The following TMEM51 variants were observed in gnomAD, a reference collection of about 807,000 sequenced individuals.
The protein encoded by TMEM51 is transmembrane protein 51.
TMEM51 carries 8 observed loss-of-function variants against 13.6 expected under a neutral mutation model. The observed-to-expected ratio is 0.59, with a 90% CI of 0.35 to 1.07. TMEM51 has a LOEUF of 1.07. Among genes scored for constraint, TMEM51 ranks in the 50% least tolerant of loss-of-function variants. The pLI is 0.02. For missense variants in TMEM51, 279 were observed against 330.7 expected, an observed-to-expected ratio of 0.84 and a Z score of 1.21; for synonymous variants, 147 against 144.4, an observed-to-expected ratio of 1.02 and a Z score of -0.13.
At position 15,161,586 on chromosome 1, in the gene TMEM51, G is replaced by C. The variant is rs1465247672; in HGVS notation, c.-267+7632G>C. Among the ~76,000 whole-genome samples the C allele has an allele frequency of 6.6e-6, 1 of 152,024 alleles. No homozygotes were observed. Among genetic ancestry groups the C allele is most frequent in the African/African-American group, 2.4e-5 (1 of 41,316 alleles). ...CAGTTTCACTTCTGGGTGCATACTT[G>C]TCTTAGTCCATTTGTGTTGCTGTAA... On this transcript the variant is annotated intron_variant, in intron 1 of 3. Transcript: ENST00000376008. The surrounding 1 kb of genome is among the most constrained non-coding windows in gnomAD (Gnocchi z 4.0).
Position 15,215,186 on chromosome 1 carries a change from G to A in TMEM51, c.99G>A (p.Leu33=). Reference sequence around the variant, plus strand: ...GGGTGATCATGGCCATGTGGAACCTGGTACCCGGCTTCAGCGCGGCCGAGA... The same window carrying A: ...GGGTGATCATGGCCATGTGGAACCTAGTACCCGGCTTCAGCGCGGCCGAGA... ...VLGVIMAMWN[L]VPGFSAAEKP... The change falls in exon 3 of 4, where the codon CTG becomes CTA. Residue 33 remains leucine (L), a synonymous_variant. Coordinates refer to ENST00000376008, the MANE Select transcript of TMEM51 (RefSeq NM_001136218.2). 2 of 1,614,204 alleles carry A rather than the reference G, an allele frequency of 1.2e-6. No homozygotes were observed. Among genetic ancestry groups the A allele is most frequent in the Non-Finnish European group, 1.7e-6 (2 of 1,180,046 alleles).
chr1:15,183,602 G>C (rs191371865), intron 1 of TMEM51, among the ~76,000 whole-genome samples: 29 of 152,316 alleles, frequency 1.9e-4, no homozygotes, highest in Admixed American at 1.9e-3. Flanking sequence ...AATATATGTA[G>C]CTAGTATTCC....
At chr1:15,201,045 G>C (rs1414261351) in intron 1 of TMEM51, among the ~76,000 whole-genome samples, 3 of 152,194 alleles carry the variant, frequency 2.0e-5, no homozygotes, top group Non-Finnish European at 4.4e-5. Context: ...TTACCCAATA[G>C]TTGGTTTGAC....
rs745767292 is a variant in TMEM51, at chr1:15,219,653, C to T, written c.672C>T (p.Asn224=). Residue 224 remains asparagine, a synonymous_variant, in exon 4 of 4, where the codon AAC becomes AAT. Transcript: ENST00000376008. The part of the protein sequence containing the change: ...KDFRINLPDK[N]VPPPSIEPLT... ...TTAGGATCAACCTCCCAGACAAAAA[C>T]GTCCCTCCTCCCTCGATAGAGCCTT... 8.1e-6 allele frequency: 13 copies of T among 1,614,042 alleles called. No individual in the cohort carries two copies. The highest frequency in any genetic ancestry group is 2.7e-5 in the African/African-American group (2 of 75,066).
At chr1:15,205,751 C>T (rs1644237314) in intron 1 of TMEM51, among the ~76,000 whole-genome samples, 1 of 152,138 alleles carries the variant, frequency 6.6e-6, no homozygotes, top group Non-Finnish European at 1.5e-5. Flanking sequence ...CCACAGAGGG[C>T]CTGGCACAGA....
At chr1:15,183,913 C>T (rs1643691967) in intron 1 of TMEM51, among the ~76,000 whole-genome samples, 1 of 152,244 alleles carries the variant, frequency 6.6e-6, no homozygotes, top group South Asian at 2.1e-4. Flanking sequence ...AGTGGGGCCG[C>T]AGCCGCTCAT....
At chr1:15,166,071 G>GGTA (rs1642987144) in intron 1 of TMEM51, among the ~76,000 whole-genome samples, 1 of 152,132 alleles carries the variant, frequency 6.6e-6, no homozygotes, top group Non-Finnish European at 1.5e-5. Flanking sequence ...TATGGATGGG[G>GGTA]GTAGCCATGG....
At chr1:15,170,792 G>T (rs911480652) in intron 1 of TMEM51, among the ~76,000 whole-genome samples, 22 of 151,370 alleles carry the variant, frequency 1.5e-4, no homozygotes, top group Non-Finnish European at 3.1e-4. Context: ...GCAGTGTTGC[G>T]ATCTCAGCTC....
At chr1:15,200,349 A>G (rs1469036214) in intron 1 of TMEM51, among the ~76,000 whole-genome samples, 1 of 138,694 alleles carries the variant, frequency 7.2e-6, no homozygotes, top group African/African-American at 2.7e-5. Context: ...TCGAGACTGC[A>G]GTGAACTGTG....
chr1:15,206,039 C>A (rs1009986065), intron 1 of TMEM51, among the ~76,000 whole-genome samples: 1 of 152,108 alleles, frequency 6.6e-6, no homozygotes, highest in Non-Finnish European at 1.5e-5. Context: ...GAAATCGAGA[C>A]CAGCCTGGGC....
intron 2 of TMEM51, among the ~76,000 whole-genome samples, chr1:15,214,006 CTTTTTTTTTT>C (rs367871717): frequency 8.1e-6 from 1 of 124,204 alleles, no homozygotes; most frequent in Non-Finnish European, 1.7e-5. Flanking sequence ...AGCACCCAGC[CTTTTTTTTTT>C]TTTTTTTTGT....
rs1184052221 is a variant in TMEM51 at position 15,219,537 on chromosome 1, C to A, written c.556C>A (p.Pro186Thr). The A allele has an allele frequency of 4.3e-6, 7 of 1,614,098 alleles. No individual in the cohort carries two copies. Among genetic ancestry groups the A allele is most frequent in the South Asian group, 2.2e-5 (2 of 91,084 alleles). ...TGACGTGGAGGCCAGCCCTGGGAAC[C>A]CCCCTGACAGGCAGAACTCTAAGTT... Reference protein sequence around the residue: ...RADVEASPGNPPDRQNSKLAK... With the variant: ...RADVEASPGNTPDRQNSKLAK... The change falls in exon 4 of 4, where the codon CCC becomes ACC. Residue 186 changes from proline (P) to threonine (T), a missense_variant. Coordinates refer to ENST00000376008, the MANE Select transcript of TMEM51 (RefSeq NM_001136218.2).
At chr1:15,174,714 G>A (rs996556694) in intron 1 of TMEM51, among the ~76,000 whole-genome samples, 1 of 152,116 alleles carries the variant, frequency 6.6e-6, no homozygotes, top group African/African-American at 2.4e-5. Context: ...GAAGTTCTGG[G>A]GGGTGTAGTT....
chr1:15,215,177 G>C lies in TMEM51; in HGVS notation c.90G>C (p.Met30Ile), dbSNP rs769496140. 1.2e-6 allele frequency: 2 copies of C among 1,614,230 alleles called. No homozygotes were observed. Among genetic ancestry groups the C allele is most frequent in the Admixed American group, 1.7e-5 (1 of 60,036 alleles). ...TGGTCCTTGGGGTGATCATGGCCATGTGGAACCTGGTACCCGGCTTCAGCG... is the reference window on the plus strand; with the variant it reads ...TGGTCCTTGGGGTGATCATGGCCATCTGGAACCTGGTACCCGGCTTCAGCG... ...GMLVLGVIMA[M>I]WNLVPGFSAA... The change falls in exon 3 of 4, where the codon ATG becomes ATC. Residue 30 changes from methionine to isoleucine, a missense_variant. Physicochemically the swap from Met to Ile is conservative, Grantham distance 10. Transcript: ENST00000376008.
intron 1 of TMEM51, among the ~76,000 whole-genome samples, chr1:15,173,676 T>TAAA (rs55954313): frequency 0.1 from 14,757 of 145,190 alleles, 967 homozygotes; most frequent in Non-Finnish European, 0.15. Flanking sequence ...AAACTCCATC[T>TAAA]AAAAAAAAAA....
chr1:15,183,572 C>T (rs891910580), intron 1 of TMEM51, among the ~76,000 whole-genome samples: 1 of 152,210 alleles, frequency 6.6e-6, no homozygotes, highest in African/African-American at 2.4e-5. Flanking sequence ...AGAAAACTTA[C>T]TACCACATAG....
chr1:15,159,792 T>C (rs946979597), intron 1 of TMEM51, among the ~76,000 whole-genome samples: 4 of 152,196 alleles, frequency 2.6e-5, no homozygotes, highest in African/African-American at 7.2e-5. Flanking sequence ...CTTGACCTCG[T>C]GATCCGCCTG....
At chr1:15,168,236 C>A (rs1202134904) in intron 1 of TMEM51, among the ~76,000 whole-genome samples, 1 of 152,204 alleles carries the variant, frequency 6.6e-6, no homozygotes, top group Non-Finnish European at 1.5e-5. Context: ...TAAGGACCCA[C>A]TAACCACCTG....
chr1:15,207,692 G>A lies in TMEM51; in HGVS notation c.-266-2798G>A, dbSNP rs1029485559. ...AAAGAGCCTCTGCCCAGCGTGGAGC[G>A]GTGAGGCTAAAGGCTTCCATGTTCC... On this transcript the variant is annotated intron_variant, in intron 1 of 3. Transcript: ENST00000376008. This position sits in a 1 kb window ranked among gnomAD's most constrained non-coding sequence, Gnocchi z 4.6. Among the ~76,000 whole-genome samples the A allele has an allele frequency of 9.2e-5, 14 of 152,330 alleles. No homozygotes were observed. Among genetic ancestry groups the A allele is most frequent in the African/African-American group, 2.2e-4 (9 of 41,568 alleles).
Sources: allele counts gnomAD v4.1 joint callset (sites outside exome capture counted in the v4.1 genomes callset), GRCh38; gene constraint gnomAD v4.1.1; non-coding constraint Gnocchi (gnomAD v3.1); transcripts MANE v1.5; gene names NCBI Gene and HGNC (gene_info 2026-07-23, HGNC 2026-07-21).